The following ANKFN1 variants were observed in gnomAD, a reference collection of about 807,000 sequenced individuals.
ANKFN1 encodes the protein ankyrin repeat and fibronectin type-III domain-containing protein 1.
Under a neutral mutation model 108.7 loss-of-function variants are expected in ANKFN1, and 74 were observed. That is an observed-to-expected ratio of 0.68 (90% CI 0.56 to 0.83). ANKFN1 has a LOEUF of 0.83. Ranked by LOEUF, ANKFN1 falls within the 40% of genes least tolerant of loss-of-function variation. ANKFN1 has a pLI of 0.00. For missense variants in ANKFN1, 1,505 were observed against 1,382.3 expected (o/e 1.09, Z -1.41); for synonymous variants, 547 against 516.2 (o/e 1.06, Z -0.81).
Position 56,074,770 on chromosome 17 carries a change from C to T in ANKFN1, c.288+28445C>T, listed in dbSNP as rs182822987. On this transcript the variant is annotated intron_variant, in intron 4 of 12. Coordinates refer to the ANKFN1 transcript ENST00000635860. ...TGCCATTTCTGTTCCAACTTCAAGA[C>T]AGAATCATCCTTAATAATGAAAATA... Among the ~76,000 whole-genome samples the T allele has an allele frequency of 3.9e-5, 6 of 152,210 alleles. No homozygotes were observed. The East Asian group carries it at 1.2e-3, about 29-fold the overall frequency.
At chr17:56,412,926 TAAGTAA>T (rs1365289858) in intron 8 of ANKFN1, among the ~76,000 whole-genome samples, 1 of 152,242 alleles carries the variant, frequency 6.6e-6, no homozygotes, top group Non-Finnish European at 1.5e-5. Flanking sequence ...TTTGTAAGTC[TAAGTAA>T]AAGTGTGTCA....
In ANKFN1 at chr17:56,363,035, T is replaced by C. The variant is rs189028771; in HGVS notation, c.601+8989T>C. Among the ~76,000 whole-genome samples, 660 of 151,728 alleles carry C rather than the reference T, an allele frequency of 4.3e-3. 3 individuals carry two copies. Among genetic ancestry groups the C allele is most frequent in the Non-Finnish European group, 6.8e-3 (459 of 67,866 alleles). ...ACCATCCTGGCCAACATGGTGAAAC[T>C]CCATCTCTACTAAAAATACAAAAAT... On this transcript the variant is annotated intron_variant, in intron 6 of 20. Coordinates refer to ENST00000682825, the MANE Select transcript of ANKFN1 (RefSeq NM_001370326.1).
At chr17:56,239,441 C>T (rs964736494) in intron 3 of ANKFN1, among the ~76,000 whole-genome samples, 1 of 152,106 alleles carries the variant, frequency 6.6e-6, no homozygotes, top group African/African-American at 2.4e-5. Context: ...ATCCCAGTTA[C>T]CCTGATGTGA....
At chr17:56,347,522 G>T (rs1860971) in intron 4 of ANKFN1, among the ~76,000 whole-genome samples, 442 of 152,054 alleles carry the variant, frequency 2.9e-3, no homozygotes, top group African/African-American at 9.9e-3. Flanking sequence ...CAAAACTAAA[G>T]CTACACTGAT....
At chr17:56,486,959 A>C (rs2050875930) in intron 18 of ANKFN1, among the ~76,000 whole-genome samples, 1 of 152,212 alleles carries the variant, frequency 6.6e-6, no homozygotes, top group Non-Finnish European at 1.5e-5. Context: ...CTTGCTAACC[A>C]GCTATGGAAA....
rs760059035 is a variant in ANKFN1, at chr17:56,372,803, G to T, written c.759G>T (p.Arg253=). ...TGAAAGCTTGGGAGTGGAGGTATCGGCTCTACAGACGCATGAAAACAGGCT... is the reference window on the plus strand; with the variant it reads ...TGAAAGCTTGGGAGTGGAGGTATCGTCTCTACAGACGCATGAAAACAGGCT... ...KQLKAWEWRY[R]LYRRMKTGFE... The change falls in exon 7 of 21, where the codon CGG becomes CGT. Residue 253 remains arginine, a synonymous_variant. Transcript: ENST00000682825. The T allele has an allele frequency of 6.2e-7, 1 of 1,613,932 alleles. No homozygotes were observed. The highest frequency in any genetic ancestry group is 1.1e-5 in the South Asian group (1 of 91,062).
At chr17:56,241,956 A>G (rs1402087694) in intron 3 of ANKFN1, among the ~76,000 whole-genome samples, 1 of 148,960 alleles carries the variant, frequency 6.7e-6, no homozygotes, top group Non-Finnish European at 1.5e-5. Flanking sequence ...CCAGGCTGGG[A>G]CAAAGTGGGA....
intron 1 of ANKFN1, among the ~76,000 whole-genome samples, chr17:56,197,019 T>TA (rs1197661482): frequency 1.3e-5 from 2 of 152,218 alleles, no homozygotes; most frequent in Non-Finnish European, 2.9e-5. Flanking sequence ...TAGTACTTCA[T>TA]AAAAAACACT....
intron 8 of ANKFN1, among the ~76,000 whole-genome samples, chr17:56,438,313 G>A (rs1293994132): frequency 6.6e-6 from 1 of 151,960 alleles, no homozygotes; most frequent in African/African-American, 2.4e-5. Flanking sequence ...TGGAAGATGG[G>A]GAAAAGACAC....
Position 56,114,964 on chromosome 17 carries a change from G to A in ANKFN1, c.288+68639G>A, listed in dbSNP as rs143888385. Among the ~76,000 whole-genome samples the A allele has an allele frequency of 9.5e-4, 144 of 152,282 alleles. 3 individuals carry two copies. In the East Asian group the frequency reaches 0.026, roughly 27 times the overall value. On this transcript the variant is annotated intron_variant, in intron 4 of 12. Transcript: ENST00000635860. ...TGCACAGCCCCCGGAAGCTGGAAAA[G>A]GCAAGCAAGCAGATTCCCCCTAAAG...
chr17:56,251,429 A>T (rs2043233435), intron 3 of ANKFN1, among the ~76,000 whole-genome samples: 1 of 152,304 alleles, frequency 6.6e-6, no homozygotes, highest in Admixed American at 6.5e-5. Context: ...TAATAAATGA[A>T]ATCTTATTAA....
Position 56,516,497 on chromosome 17 carries a change from G to T in ANKFN1, c.*5228G>T, listed in dbSNP as rs1210630358. Among the ~76,000 whole-genome samples, 1 of 152,150 alleles carries T rather than the reference G, an allele frequency of 6.6e-6. No homozygotes were observed. The highest frequency in any genetic ancestry group is 2.4e-5 in the African/African-American group (1 of 41,422). Reference sequence around the variant, plus strand: ...TTCAGTACGCTATCTGCACAATTTTGTGTGCTTTAAACCTCTGTAAACATG... The same window carrying T: ...TTCAGTACGCTATCTGCACAATTTTTTGTGCTTTAAACCTCTGTAAACATG... On this transcript the variant is annotated 3_prime_UTR_variant, in exon 21 of 21. Coordinates refer to ENST00000682825, the MANE Select transcript of ANKFN1 (RefSeq NM_001370326.1).
intron 1 of ANKFN1, among the ~76,000 whole-genome samples, chr17:56,198,337 C>T (rs1913709749): frequency 6.6e-6 from 1 of 152,188 alleles, no homozygotes; most frequent in Admixed American, 6.5e-5. Flanking sequence ...CTCATGACCT[C>T]GATCTCTCAC....
intron 4 of ANKFN1, among the ~76,000 whole-genome samples, chr17:56,094,142 G>C (rs1005593571): frequency 1.1e-4 from 16 of 151,220 alleles, no homozygotes; most frequent in Non-Finnish European, 1.5e-4. Flanking sequence ...CAGAAGACAG[G>C]AGAGGGGCAT....
intron 15 of ANKFN1, chr17:56,473,208 A>C (rs1262259353): frequency 6.6e-6 from 1 of 152,232 alleles, no homozygotes; most frequent in Non-Finnish European, 1.5e-5. Flanking sequence ...AACAACAATC[A>C]AAACAGTGAG....
intron 4 of ANKFN1, among the ~76,000 whole-genome samples, chr17:56,350,345 G>A (rs1167073804): frequency 6.6e-6 from 1 of 152,070 alleles, no homozygotes; most frequent in Non-Finnish European, 1.5e-5. Flanking sequence ...CCCAACAGAA[G>A]CCAACATCTA....
intron 6 of ANKFN1, among the ~76,000 whole-genome samples, chr17:56,354,824 A>G (rs1054844353): frequency 6.6e-6 from 1 of 152,188 alleles, no homozygotes; most frequent in Non-Finnish European, 1.5e-5. Flanking sequence ...TTCTTTATCT[A>G]TTCATCTATT....
intron 4 of ANKFN1, among the ~76,000 whole-genome samples, chr17:56,344,891 T>C (rs1017455519): frequency 9.2e-5 from 14 of 152,046 alleles, no homozygotes; most frequent in Non-Finnish European, 1.3e-4. Context: ...TGTTTTTTAA[T>C]TTTACTTTGT....
At chr17:56,478,583 A>G (rs2050589518) in intron 16 of ANKFN1, among the ~76,000 whole-genome samples, 1 of 152,194 alleles carries the variant, frequency 6.6e-6, no homozygotes, top group South Asian at 2.1e-4. Context: ...GCTTTGGGAA[A>G]GTTGCCCAAT....
Sources: allele counts gnomAD v4.1 joint callset (sites outside exome capture counted in the v4.1 genomes callset), GRCh38; gene constraint gnomAD v4.1.1; transcripts MANE v1.5; gene names NCBI Gene and HGNC (gene_info 2026-07-23, HGNC 2026-07-21).